ELAPOR1: variants seen among roughly 807,000 people sequenced by gnomAD.
ELAPOR1 encodes the protein endosome-lysosome associated apoptosis and autophagy regulator 1, also known as endosome/lysosome-associated apoptosis and autophagy regulator 1.
A neutral mutation model predicts 119.7 loss-of-function variants in ELAPOR1; 77 were observed. The observed-to-expected ratio is 0.64, with a 90% CI of 0.54 to 0.78. ELAPOR1 has a LOEUF of 0.78. ELAPOR1 is among the 30% of genes least tolerant of loss of function. The pLI is 0.00. For synonymous variants in ELAPOR1, 481 were observed against 487.2 expected, an observed-to-expected ratio of 0.99 and a Z score of 0.17; for missense variants, 1,115 against 1,270.4, an observed-to-expected ratio of 0.88 and a Z score of 1.86.
At chr1:109,172,117 C>T in intron 4 of ELAPOR1, 104 bp downstream of exon 4, 1 of 1,396,966 alleles carries the variant, frequency 7.2e-7, no homozygotes, top group Non-Finnish European at 1.0e-6. Flanking sequence ...GGGGGAATCA[C>T]TGTTGTTTTC....
At chr1:109,189,815 AG>A (rs1358966803) in intron 11 of ELAPOR1, 133 bp downstream of exon 11, 1 of 712,728 alleles carries the variant, frequency 1.4e-6, no homozygotes, top group East Asian at 2.7e-5. Context: ...TTGAGAACAG[AG>A]GGTACAGTTT....
Position 109,164,706 on chromosome 1 carries a change from A to C in ELAPOR1, c.467+15A>C. 2 of 1,597,056 alleles carry C rather than the reference A, an allele frequency of 1.3e-6. No homozygotes were observed. Among genetic ancestry groups the C allele is most frequent in the Non-Finnish European group, 1.7e-6 (2 of 1,168,344 alleles). ...AACTGTACTTCGTGAGTCTGCACACACCCCCACCCCACCCCCAGCCCACTG... is the reference window on the plus strand; with the variant it reads ...AACTGTACTTCGTGAGTCTGCACACCCCCCCACCCCACCCCCAGCCCACTG... On this transcript the variant is annotated intron_variant, in intron 3 of 21. Transcript: ENST00000369939.
At chr1:109,174,091 C>T (rs1054329790) in intron 7 of ELAPOR1, among the ~76,000 whole-genome samples, 1 of 150,288 alleles carries the variant, frequency 6.7e-6, no homozygotes, top group African/African-American at 2.5e-5. Flanking sequence ...TAGCTCACTG[C>T]AGCCTCAAAC....
intron 1 of ELAPOR1, among the ~76,000 whole-genome samples, chr1:109,141,791 A>G (rs1420099191): frequency 6.6e-6 from 1 of 151,304 alleles, no homozygotes; most frequent in Non-Finnish European, 1.5e-5. Flanking sequence ...TCAGCCTCCC[A>G]AGTAGCTGGG....
intron 7 of ELAPOR1, among the ~76,000 whole-genome samples, chr1:109,181,239 A>G (rs1055241080): frequency 6.6e-5 from 10 of 152,136 alleles, no homozygotes; most frequent in African/African-American, 2.4e-4. Flanking sequence ...CAGTGAGAAC[A>G]TTGTACTCCT....
intron 15 of ELAPOR1, among the ~76,000 whole-genome samples, 170 bp from the exon 16 acceptor site, chr1:109,197,304 C>CA (rs1653866462): frequency 6.6e-6 from 1 of 152,040 alleles, no homozygotes; most frequent in African/African-American, 2.4e-5. Flanking sequence ...CAAAACAAAA[C>CA]AAAAAAATCA....
chr1:109,120,395 TTAAAATAAAA>T (rs111497710), intron 1 of ELAPOR1, among the ~76,000 whole-genome samples: 24 of 147,906 alleles, frequency 1.6e-4, no homozygotes, highest in Non-Finnish European at 2.4e-4. Context: ...AGACTCTGTC[TTAAAATAAAA>T]TAAAATAAAA....
At chr1:109,176,615 T>C (rs906164707) in intron 7 of ELAPOR1, among the ~76,000 whole-genome samples, 13 of 149,702 alleles carry the variant, frequency 8.7e-5, no homozygotes, top group African/African-American at 1.5e-4. Context: ...TCTTTTTTTT[T>C]TTTTTTTTAA....
chr1:109,134,052 AG>A (rs1426765722), intron 1 of ELAPOR1, among the ~76,000 whole-genome samples: 2 of 152,116 alleles, frequency 1.3e-5, no homozygotes, highest in African/African-American at 4.8e-5. Context: ...CGGAAGTGGG[AG>A]GGGGCAGAGG....
At chr1:109,199,776 T>G in intron 18 of ELAPOR1, 78 bp from the exon 19 acceptor site, 50 of 1,549,828 alleles carry the variant, frequency 3.2e-5, no homozygotes, top group Non-Finnish European at 4.1e-5. Context: ...AGGCAAGCTA[T>G]GAGACAACAG....
At chr1:109,172,074 T>C (rs1651962273) in intron 4 of ELAPOR1, 61 bp downstream of exon 4, 18 of 1,574,224 alleles carry the variant, frequency 1.1e-5, no homozygotes, top group South Asian at 8.9e-5. Context: ...TTCAGATCCG[T>C]TTGAGGAATC....
chr1:109,130,972 TAAAAATAAATA>T (rs940016421), intron 1 of ELAPOR1, among the ~76,000 whole-genome samples: 16 of 152,268 alleles, frequency 1.1e-4, no homozygotes, highest in African/African-American at 3.6e-4. Context: ...ACTCTCTCTC[TAAAAATAAATA>T]CCAAATACTT....
intron 1 of ELAPOR1, among the ~76,000 whole-genome samples, chr1:109,145,906 A>C (rs1260558358): frequency 6.6e-6 from 1 of 152,176 alleles, no homozygotes; most frequent in Non-Finnish European, 1.5e-5. Context: ...GAATAGAATG[A>C]GATGGTCCAA....
At chr1:109,178,517 T>G (rs1652489973) in intron 7 of ELAPOR1, among the ~76,000 whole-genome samples, 1 of 152,236 alleles carries the variant, frequency 6.6e-6, no homozygotes, top group South Asian at 2.1e-4. Flanking sequence ...ACAAATATAT[T>G]CTGAGTACCT....
intron 1 of ELAPOR1, among the ~76,000 whole-genome samples, chr1:109,152,888 G>T (rs1208351974): frequency 3.4e-5 from 5 of 145,052 alleles, no homozygotes; most frequent in Non-Finnish European, 7.5e-5. Context: ...CAAGGCTGCA[G>T]TTGCAGTGAG....
chr1:109,194,484 T>C lies in ELAPOR1; in HGVS notation c.2011T>C (p.Tyr671His). Residue 671 changes from tyrosine (Y) to histidine (H), a missense_variant, in exon 15 of 22, where the codon TAC becomes CAC. By Grantham distance (83) the Tyr-to-His change is moderately conservative. Transcript: ENST00000369939. ...SRNTPTRTFN[Y>H]NFSALANTVT... ...CAACACTCCGACCAGGACTTTCAAC[T>C]ACAACTTCTCCGCTTTGGCAAACAC... 1 of 1,613,780 alleles carries C rather than the reference T, an allele frequency of 6.2e-7. No homozygotes were observed. The highest frequency in any genetic ancestry group is 8.5e-7 in the Non-Finnish European group (1 of 1,179,646).
At chr1:109,169,414 A>G (rs1474653180) in intron 3 of ELAPOR1, among the ~76,000 whole-genome samples, 1 of 151,320 alleles carries the variant, frequency 6.6e-6, no homozygotes, top group East Asian at 2.0e-4. Flanking sequence ...TAATTTTTGC[A>G]TTTTTAGTAG....
chr1:109,152,952 C>CAAAAAAAAAAAAA (rs11392572), intron 1 of ELAPOR1, among the ~76,000 whole-genome samples: 1 of 102,412 alleles, frequency 9.8e-6, no homozygotes, highest in East Asian at 2.6e-4. Context: ...ACCCTGTCTC[C>CAAAAAAAAAAAAA]AAAAAAAAAA....
At chr1:109,122,758 A>G (rs1648527755) in intron 1 of ELAPOR1, among the ~76,000 whole-genome samples, 1 of 152,064 alleles carries the variant, frequency 6.6e-6, no homozygotes, top group Non-Finnish European at 1.5e-5. Context: ...GGGGTTTGAG[A>G]CCAGCCTGGG....
Sources: gnomAD v4.1 joint callset for allele counts (sites outside exome capture counted in the v4.1 genomes callset) on GRCh38, gnomAD v4.1.1 for gene constraint, MANE v1.5 for transcripts, NCBI Gene and HGNC (gene_info 2026-07-23, HGNC 2026-07-21) for gene names.